Variants in LIMCH1 observed in about 807,000 individuals in gnomAD.
The protein encoded by LIMCH1 is LIM and calponin homology domains-containing protein 1.
LIMCH1 carries 113 observed loss-of-function variants against 176.5 expected under a neutral mutation model. The observed-to-expected ratio is 0.64, with a 90% CI of 0.55 to 0.75. LIMCH1 has a LOEUF of 0.75. LIMCH1 is among the 30% of genes least tolerant of loss of function. LIMCH1 has a pLI of 0.00. For synonymous variants in LIMCH1, 619 were observed against 645.9 expected (o/e 0.96, Z 0.63); for missense variants, 1,674 against 1,814.9 (o/e 0.92, Z 1.41).
intron 1 of LIMCH1, among the ~76,000 whole-genome samples, chr4:41,566,762 T>C (rs1224613014): frequency 6.6e-6 from 1 of 152,224 alleles, no homozygotes; most frequent in Non-Finnish European, 1.5e-5. Context: ...CTTTATACAA[T>C]TTTTATTTGT....
chr4:41,676,527 A>T, intron 23 of LIMCH1, 65 bp downstream of exon 23: 1 of 1,161,798 alleles, frequency 8.6e-7, no homozygotes, highest in Non-Finnish European at 1.3e-6. Context: ...CATTGCATTA[A>T]ATAGACTTTT....
chr4:41,549,299 A>G (rs1044131036), intron 1 of LIMCH1, among the ~76,000 whole-genome samples: 4 of 152,128 alleles, frequency 2.6e-5, no homozygotes, highest in African/African-American at 9.7e-5. Flanking sequence ...CTTTATTTCT[A>G]TTCTTTACTC....
intron 14 of LIMCH1, among the ~76,000 whole-genome samples, chr4:41,640,697 T>C (rs1185498576): frequency 6.6e-6 from 1 of 152,234 alleles, no homozygotes; most frequent in Non-Finnish European, 1.5e-5. Context: ...TAGAAACTTA[T>C]ACTATTTTTA....
chr4:41,660,340 A>G (rs2094578359), intron 18 of LIMCH1, among the ~76,000 whole-genome samples: 1 of 152,186 alleles, frequency 6.6e-6, no homozygotes, highest in Non-Finnish European at 1.5e-5. Context: ...ACACAATTGA[A>G]GTACTACTGA....
chr4:41,582,502 T>A (rs4348132), intron 1 of LIMCH1, among the ~76,000 whole-genome samples: 52,705 of 152,086 alleles, frequency 0.35, 14,588 homozygotes, highest in African/African-American at 0.77. Context: ...TTTATAGACC[T>A]GGAGGCAACG....
intron 1 of LIMCH1, among the ~76,000 whole-genome samples, chr4:41,409,914 C>T (rs1015380850): frequency 2.6e-5 from 4 of 152,108 alleles, no homozygotes; most frequent in African/African-American, 2.4e-5. Flanking sequence ...TTTATCAAAA[C>T]GTTTTCTTCC....
intron 2 of LIMCH1, among the ~76,000 whole-genome samples, chr4:41,500,011 T>G (rs1015258115): frequency 6.6e-6 from 1 of 152,242 alleles, no homozygotes. Context: ...AATTTCTTCC[T>G]CATGGTTAAA....
intron 2 of LIMCH1, among the ~76,000 whole-genome samples, chr4:41,602,326 G>T (rs895839610): frequency 2.0e-5 from 3 of 151,968 alleles, no homozygotes; most frequent in African/African-American, 4.8e-5. Context: ...GATTGCTCCC[G>T]AGTGTCTCTG....
intron 1 of LIMCH1, chr4:41,361,066 TCACC>T: frequency 1.8e-6 from 1 of 559,918 alleles, no homozygotes; most frequent in Non-Finnish European, 3.1e-6. Context: ...CTGCTCCAGG[TCACC>T]CCCCCGGGCC....
At chr4:41,628,486 A>C (rs2093118718) in intron 8 of LIMCH1, among the ~76,000 whole-genome samples, 1 of 151,738 alleles carries the variant, frequency 6.6e-6, no homozygotes, top group African/African-American at 2.4e-5. Flanking sequence ...TCCTTCCTCA[A>C]ACTAAGAAAA....
chr4:41,393,399 G>T (rs1198936036), intron 1 of LIMCH1, among the ~76,000 whole-genome samples: 1 of 152,226 alleles, frequency 6.6e-6, no homozygotes, highest in Non-Finnish European at 1.5e-5. Flanking sequence ...CGGCAATAAA[G>T]TGTGCATTAG....
At chr4:41,595,210 G>T (rs1297452482) in intron 1 of LIMCH1, among the ~76,000 whole-genome samples, 2 of 152,166 alleles carry the variant, frequency 1.3e-5, no homozygotes, top group South Asian at 2.1e-4. Flanking sequence ...AGTTAAGAGG[G>T]TGCATATGTA....
intron 18 of LIMCH1, among the ~76,000 whole-genome samples, chr4:41,656,809 C>G (rs1319226708): frequency 6.6e-6 from 1 of 152,190 alleles, no homozygotes; most frequent in Non-Finnish European, 1.5e-5. Context: ...TTGGACATCA[C>G]TTGTTCCAAC....
intron 25 of LIMCH1, among the ~76,000 whole-genome samples, chr4:41,681,713 G>A (rs201214752): frequency 2.0e-5 from 3 of 152,048 alleles, no homozygotes; most frequent in African/African-American, 7.2e-5. Context: ...TGCATGCTGG[G>A]CTTAACACTC....
At chr4:41,401,937 G>T (rs1354506587) in intron 1 of LIMCH1, among the ~76,000 whole-genome samples, 1 of 152,186 alleles carries the variant, frequency 6.6e-6, no homozygotes, top group Non-Finnish European at 1.5e-5. Flanking sequence ...TTTGGGCTGA[G>T]ACAGTGGGGT....
At chr4:41,558,460 C>T (rs540833522) in intron 1 of LIMCH1, among the ~76,000 whole-genome samples, 8 of 152,290 alleles carry the variant, frequency 5.3e-5, no homozygotes, top group African/African-American at 1.9e-4. Context: ...TATTCCCCAG[C>T]ATGTTACAAT....
intron 2 of LIMCH1, among the ~76,000 whole-genome samples, chr4:41,521,092 G>C (rs997524095): frequency 6.6e-6 from 1 of 152,106 alleles, no homozygotes; most frequent in African/African-American, 2.4e-5. Flanking sequence ...ATTCCCACCT[G>C]GTGTTGATAT....
At chr4:41,632,721 G>T (rs1265699592) in intron 10 of LIMCH1, 28 bp from the exon 11 acceptor site, 1 of 1,511,812 alleles carries the variant, frequency 6.6e-7, no homozygotes, top group Admixed American at 2.0e-5. Context: ...CTCCTCTCTT[G>T]CCACCAATGC....
intron 1 of LIMCH1, among the ~76,000 whole-genome samples, chr4:41,386,787 A>G (rs1253014719): frequency 6.6e-6 from 1 of 152,224 alleles, no homozygotes; most frequent in Non-Finnish European, 1.5e-5. Context: ...AGATGTATCT[A>G]AGGGACAGCC....
Sources: allele counts gnomAD v4.1 joint callset (sites outside exome capture counted in the v4.1 genomes callset), GRCh38; gene constraint gnomAD v4.1.1; transcripts MANE v1.5; gene names NCBI Gene and HGNC (gene_info 2026-07-23, HGNC 2026-07-21).